Variants in SLC9A3 observed in about 807,000 individuals in gnomAD.
SLC9A3 encodes the protein sodium/hydrogen exchanger 3.
SLC9A3 carries 37 observed loss-of-function variants against 86.8 expected under a neutral mutation model. That is an observed-to-expected ratio of 0.43 (90% confidence interval 0.33 to 0.56). The LOEUF is 0.56. Ranked by LOEUF, SLC9A3 falls within the 20% of genes least tolerant of loss-of-function variation. SLC9A3 has a pLI of 0.06. For synonymous variants in SLC9A3, 581 were observed against 528.3 expected, an observed-to-expected ratio of 1.10 and a Z score of -1.37; for missense variants, 1,011 against 1,171.9, an observed-to-expected ratio of 0.86 and a Z score of 2.00.
intron 16 of SLC9A3, 34 bp from the exon 17 acceptor site, chr5:473,416 G>A: frequency 7.3e-7 from 1 of 1,376,282 alleles, no homozygotes; most frequent in Non-Finnish European, 9.5e-7. Context: ...GGCGCGCGGA[G>A]CCCGGGCGCT....
intron 1 of SLC9A3, among the ~76,000 whole-genome samples, chr5:494,398 G>A (rs1266335849): frequency 6.6e-6 from 1 of 152,184 alleles, no homozygotes; most frequent in Non-Finnish European, 1.5e-5. Flanking sequence ...GGAAGGCTGT[G>A]GCCTCTGCTC....
chr5:492,715 C>T (rs1051763025), intron 1 of SLC9A3, among the ~76,000 whole-genome samples: 2 of 152,134 alleles, frequency 1.3e-5, no homozygotes, highest in Non-Finnish European at 2.9e-5. Flanking sequence ...GTCCCCCGGA[C>T]CCCCAACTCG....
intron 9 of SLC9A3, chr5:480,216 G>A (rs528077701): frequency 6.7e-6 from 3 of 450,782 alleles, no homozygotes; most frequent in Non-Finnish European, 1.2e-5. Context: ...CTCAGGACAC[G>A]GTGGGTGTCA....
At chr5:519,643 G>A (rs997940864) in intron 1 of SLC9A3, among the ~76,000 whole-genome samples, 2 of 152,178 alleles carry the variant, frequency 1.3e-5, no homozygotes, top group Non-Finnish European at 2.9e-5. Flanking sequence ...ACGACCTCCT[G>A]CACCCACCCA....
intron 1 of SLC9A3, among the ~76,000 whole-genome samples, chr5:504,943 G>A (rs541070148): frequency 7.3e-5 from 11 of 151,694 alleles, no homozygotes; most frequent in Non-Finnish European, 7.4e-5. Context: ...GCAGGGCACA[G>A]TGGCCACGTG....
intron 1 of SLC9A3, among the ~76,000 whole-genome samples, chr5:522,549 C>T (rs1295621247): frequency 6.6e-6 from 1 of 152,024 alleles, no homozygotes; most frequent in Non-Finnish European, 1.5e-5. Flanking sequence ...CACCTGAGGT[C>T]TGGAGTTCAA....
At chr5:514,311 G>A (rs936569328) in intron 1 of SLC9A3, among the ~76,000 whole-genome samples, 1 of 152,198 alleles carries the variant, frequency 6.6e-6, no homozygotes, top group Non-Finnish European at 1.5e-5. Context: ...CCCAGGCTCT[G>A]TGCCGCCAGG....
At position 524,179 on chromosome 5, in the gene SLC9A3, C is replaced by G; in HGVS notation, c.144G>C (p.Glu48Asp). The G allele has an allele frequency of 6.5e-7, 1 of 1,547,488 alleles. No individual in the cohort carries two copies. Among genetic ancestry groups the G allele is most frequent in the Non-Finnish European group, 8.7e-7 (1 of 1,150,116 alleles). ...CGTAGGGATCCTGCACGTGGGCCCA[C>G]TCGAAGGTGACCACCTGGAAGCCCC... ...ESGGFQVVTF[E>D]WAHVQDPYVI... is the part of the protein sequence containing the mutation. The change falls in exon 1 of 17, where the codon GAG becomes GAC. Residue 48 changes from glutamate (E) to aspartate (D), a missense_variant. Around this residue, in one of 3 missense-constraint regions of SLC9A3, gnomAD observed 565 missense variants for 790.0 expected, o/e 0.72. Coordinates refer to ENST00000264938, the MANE Select transcript of SLC9A3 (RefSeq NM_004174.4).
intron 1 of SLC9A3, among the ~76,000 whole-genome samples, chr5:520,760 AG>A (rs1733862935): frequency 6.6e-6 from 1 of 151,648 alleles, no homozygotes; most frequent in African/African-American, 2.4e-5. Flanking sequence ...CTCTCCTTCC[AG>A]GGGCCCATTG....
At chr5:493,882 C>T (rs866697082) in intron 1 of SLC9A3, among the ~76,000 whole-genome samples, 12 of 152,360 alleles carry the variant, frequency 7.9e-5, no homozygotes, top group Middle Eastern at 3.4e-3. Flanking sequence ...TCAGGCAGGG[C>T]AGCGGGGGTT....
At chr5:486,027 C>T (rs1739445151) in intron 3 of SLC9A3, among the ~76,000 whole-genome samples, 2 of 152,214 alleles carry the variant, frequency 1.3e-5, no homozygotes, top group Non-Finnish European at 2.9e-5. Flanking sequence ...CCGATTAAGT[C>T]TCACTTCCCA....
chr5:506,655 G>A (rs1206803694), intron 1 of SLC9A3, among the ~76,000 whole-genome samples: 1 of 152,172 alleles, frequency 6.6e-6, no homozygotes, highest in Non-Finnish European at 1.5e-5. Flanking sequence ...TGATAATCTC[G>A]ACTTTTCTGG....
Position 496,334 on chromosome 5 carries a change from C to T in SLC9A3, c.212-4263G>A, listed in dbSNP as rs989830364. On this transcript the variant is annotated intron_variant, in intron 1 of 16. Coordinates refer to ENST00000264938, the MANE Select transcript of SLC9A3 (RefSeq NM_004174.4). This position sits in a 1 kb window ranked among gnomAD's most constrained non-coding sequence, Gnocchi z 4.7. The stretch of plus-strand genomic sequence containing the variant: ...TCCCACCTGCCCACGGGGGAGGAGC[C>T]GCACCCATCCCCACCGGCCAGGCAG... Among the ~76,000 whole-genome samples, 10 of 152,118 alleles carry T rather than the reference C, an allele frequency of 6.6e-5. No individual in the cohort carries two copies. The highest frequency in any genetic ancestry group is 2.2e-4 in the African/African-American group (9 of 41,430).
Position 492,088 on chromosome 5 carries a change from G to A in SLC9A3, c.212-17C>T, listed in dbSNP as rs1345133720. The A allele has an allele frequency of 6.8e-7, 1 of 1,461,212 alleles. No individual in the cohort carries two copies. The highest frequency in any genetic ancestry group is 9.1e-7 in the Non-Finnish European group (1 of 1,097,624). 90.5% of individuals were successfully genotyped at this position (1,461,212 alleles called of 1,614,324 possible). On this transcript the variant is annotated splice_polypyrimidine_tract_variant and intron_variant, in intron 1 of 16. Transcript: ENST00000264938. ...GGTGGAACCCTGTGGGGGAAGGGAG[G>A]GAGGTCAGGGCCGGGCTGTGAGGGA...
rs780606158 is a variant in SLC9A3, at chr5:484,636, C to T, written c.816G>A (p.Leu272=). 109 of 1,613,136 alleles carry T rather than the reference C, an allele frequency of 6.8e-5. No homozygotes were observed. The highest frequency in any genetic ancestry group is 2.0e-4 in the Admixed American group (12 of 60,016). The change falls in exon 5 of 17, where the codon CTG becomes CTA. Residue 272 remains leucine (L), a synonymous_variant. Transcript: ENST00000264938. ...TLVGVVFAFL[L]SLVTRFTKHV... ...GCTTGGTGAAGCGCGTCACCAGCGACAGCAGGAAGGCGAAGACCACCCCCA... is the reference window on the plus strand; with the variant it reads ...GCTTGGTGAAGCGCGTCACCAGCGATAGCAGGAAGGCGAAGACCACCCCCA...
chr5:511,715 G>A (rs755179078), intron 1 of SLC9A3, among the ~76,000 whole-genome samples: 7 of 152,264 alleles, frequency 4.6e-5, no homozygotes, highest in Non-Finnish European at 7.3e-5. Context: ...CGGCCACTTG[G>A]AAGACAGCGT....
At chr5:508,207 G>C (rs1165614417) in intron 1 of SLC9A3, among the ~76,000 whole-genome samples, 1 of 140,550 alleles carries the variant, frequency 7.1e-6, no homozygotes, top group African/African-American at 2.7e-5. Flanking sequence ...TCAGGATGGA[G>C]TAGCCGCAGG....
chr5:475,218 G>A, intron 15 of SLC9A3, 86 bp from the exon 16 acceptor site: 1 of 1,414,654 alleles, frequency 7.1e-7, no homozygotes, highest in Non-Finnish European at 9.5e-7. Context: ...CCTGCTGGGT[G>A]CCTTGGAAAG....
chr5:509,652 T>C (rs1189300193), intron 1 of SLC9A3, among the ~76,000 whole-genome samples: 1 of 151,914 alleles, frequency 6.6e-6, no homozygotes, highest in African/African-American at 2.4e-5. Context: ...AAACCAAGCT[T>C]GCGGTTCCAG....
Sources: gnomAD v4.1 joint callset for allele counts (sites outside exome capture counted in the v4.1 genomes callset) on GRCh38, gnomAD v4.1.1 for gene constraint, gnomAD v4.1.1 regional missense constraint, Gnocchi (gnomAD v3.1) non-coding constraint, MANE v1.5 for transcripts, NCBI Gene and HGNC (gene_info 2026-07-23, HGNC 2026-07-21) for gene names.